Variants in MGST2 observed in about 807,000 individuals in gnomAD.
MGST2 encodes the protein glutathione peroxidase MGST2.
MGST2 carries 9 observed loss-of-function variants against 16.6 expected under a neutral mutation model. The ratio of observed to expected loss-of-function variants is 0.54; its 90% CI spans 0.33 to 0.95. MGST2 has a LOEUF of 0.95. Ranked by LOEUF, MGST2 falls within the 40% of genes least tolerant of loss-of-function variation. The pLI, the probability that MGST2 is intolerant of heterozygous loss-of-function variation, is 0.03. For synonymous variants in MGST2, 79 were observed against 68.0 expected (o/e 1.16, Z -0.79); for missense variants, 159 against 175.1 (o/e 0.91, Z 0.52).
At chr4:139,725,004 C>T (rs1445040126) in intron 5 of MGST2, among the ~76,000 whole-genome samples, 1 of 152,144 alleles carries the variant, frequency 6.6e-6, no homozygotes. Context: ...AGTGATCCGT[C>T]CACCTCAGCC....
intron 2 of MGST2, among the ~76,000 whole-genome samples, chr4:139,688,843 G>C (rs771492462): frequency 6.6e-6 from 1 of 152,032 alleles, no homozygotes; most frequent in African/African-American, 2.4e-5. Context: ...GCAGTGGCCC[G>C]TGCCTGTAAT....
chr4:139,681,912 T>C (rs1731261678), intron 2 of MGST2, among the ~76,000 whole-genome samples: 1 of 152,142 alleles, frequency 6.6e-6, no homozygotes, highest in South Asian at 2.1e-4. Context: ...TAATATAAGC[T>C]GGGCATAGTA....
rs1579278731 is a variant in MGST2, at chr4:139,666,285, G to C, written c.58+208G>C. Among the ~76,000 whole-genome samples the C allele has an allele frequency of 2.0e-5, 3 of 152,146 alleles. No homozygotes were observed. In the East Asian group the frequency reaches 5.8e-4, roughly 30 times the overall value. On this transcript the variant is annotated intron_variant, in intron 1 of 4. Transcript: ENST00000265498. Reference sequence around the variant, plus strand: ...ACCCTCCTTCCCAGGGGCAAGCAGAGACTGAGAACATTCCAGAGATTAGTT... The same window carrying C: ...ACCCTCCTTCCCAGGGGCAAGCAGACACTGAGAACATTCCAGAGATTAGTT...
chr4:139,692,009 A>G (rs920253030), intron 2 of MGST2, among the ~76,000 whole-genome samples: 2 of 152,106 alleles, frequency 1.3e-5, no homozygotes, highest in Non-Finnish European at 2.9e-5. Context: ...AATTATTTTC[A>G]ATCTCTGAGA....
chr4:139,708,999 CAAAAA>C (rs36036249), downstream of MGST2, among the ~76,000 whole-genome samples: 1 of 102,586 alleles, frequency 9.7e-6, no homozygotes, highest in Non-Finnish European at 1.8e-5. Flanking sequence ...AACTCCGTCT[CAAAAA>C]AAAAAAAAAA....
At chr4:139,708,353 A>G (rs370773392), downstream of MGST2, among the ~76,000 whole-genome samples, 1 of 152,116 alleles carries the variant, frequency 6.6e-6, no homozygotes, top group African/African-American at 2.4e-5. Context: ...TGTCAGGTTT[A>G]TCAAAGATCA....
At chr4:139,733,601 A>G (rs13122911) in intron 5 of MGST2, among the ~76,000 whole-genome samples, 40 of 149,834 alleles carry the variant, frequency 2.7e-4, no homozygotes, top group Admixed American at 7.3e-4. Flanking sequence ...AGGATTATGT[A>G]TTTCCCCAAA....
At chr4:139,709,087 T>A (rs1179889950), downstream of MGST2, among the ~76,000 whole-genome samples, 4 of 131,186 alleles carry the variant, frequency 3.0e-5, no homozygotes, top group African/African-American at 8.6e-5. Context: ...TTTTTTTTTT[T>A]TTTTTTTTTT....
chr4:139,681,191 A>G lies in MGST2; in HGVS notation c.158+2549A>G, dbSNP rs1285315150. ...GCTACAATGCCCTGCTAATATTTGT[A>G]TTTTTTGGTAGAGATAAGGTTTCAC... On this transcript the variant is annotated intron_variant, in intron 2 of 4. Coordinates refer to ENST00000265498, the MANE Select transcript of MGST2 (RefSeq NM_002413.5). Among the ~76,000 whole-genome samples the G allele has an allele frequency of 2.0e-5, 3 of 152,036 alleles. No homozygotes were observed. In the East Asian group the frequency reaches 5.8e-4, roughly 29 times the overall value.
At chr4:139,702,625 TC>T (rs1727310563) in intron 3 of MGST2, among the ~76,000 whole-genome samples, 1 of 152,146 alleles carries the variant, frequency 6.6e-6, no homozygotes, top group African/African-American at 2.4e-5. Context: ...AATGAATAAA[TC>T]TGCAATGAAC....
intron 1 of MGST2, among the ~76,000 whole-genome samples, chr4:139,672,054 C>T (rs913427215): frequency 5.3e-5 from 8 of 152,174 alleles, no homozygotes; most frequent in African/African-American, 1.9e-4. Context: ...GCTGAATCCT[C>T]TTTCTTGGGG....
At chr4:139,740,214 T>A (rs923065225) in exon 6 of MGST2, 1 of 152,292 alleles carries the variant, frequency 6.6e-6, no homozygotes, top group Non-Finnish European at 1.5e-5. Context: ...TGTCTTAGGC[T>A]TGAAGCCACA....
intron 5 of MGST2, among the ~76,000 whole-genome samples, chr4:139,728,026 G>C (rs1728547749): frequency 6.6e-6 from 1 of 152,114 alleles, no homozygotes; most frequent in Admixed American, 6.5e-5. Flanking sequence ...GACCAGCCTG[G>C]CCAACATGGT....
intron 3 of MGST2, among the ~76,000 whole-genome samples, chr4:139,696,695 C>T (rs970555605): frequency 1.1e-4 from 16 of 152,214 alleles, no homozygotes; most frequent in African/African-American, 2.7e-4. Flanking sequence ...TCATGCACAA[C>T]GCCTGTACAC....
intron 5 of MGST2, among the ~76,000 whole-genome samples, chr4:139,725,142 C>A (rs1728414373): frequency 6.6e-6 from 1 of 152,178 alleles, no homozygotes; most frequent in South Asian, 2.1e-4. Flanking sequence ...CACTGACATA[C>A]AGTGCGCCCA....
downstream of MGST2, among the ~76,000 whole-genome samples, chr4:139,743,828 T>C (rs2111028225): frequency 6.6e-6 from 1 of 152,348 alleles, no homozygotes; most frequent in African/African-American, 2.4e-5. Context: ...ATTTCTTTTT[T>C]CTTTGATGTA....
the MGST2 span, among the ~76,000 whole-genome samples, chr4:139,752,539 A>C: frequency 2.0e-5 from 3 of 152,202 alleles, no homozygotes; most frequent in African/African-American, 7.2e-5. Flanking sequence ...GATGGCTGGG[A>C]AAGTGGCTGG....
chr4:139,672,310 T>G (rs990380186), intron 1 of MGST2, among the ~76,000 whole-genome samples: 4 of 152,188 alleles, frequency 2.6e-5, no homozygotes, highest in African/African-American at 9.6e-5. Context: ...CAAGAAGACT[T>G]GCCAAGTATT....
the MGST2 span, among the ~76,000 whole-genome samples, chr4:139,749,827 C>T: frequency 6.6e-6 from 1 of 152,124 alleles, no homozygotes; most frequent in African/African-American, 2.4e-5. Flanking sequence ...TTCTACATCA[C>T]CATCATTCCA....
Sources: allele counts gnomAD v4.1 joint callset (sites outside exome capture counted in the v4.1 genomes callset), GRCh38; gene constraint gnomAD v4.1.1; transcripts MANE v1.5; gene names NCBI Gene and HGNC (gene_info 2026-07-23, HGNC 2026-07-21).